The following SALL3 variants were observed in gnomAD, a reference collection of about 807,000 sequenced individuals.
The protein encoded by SALL3 is spalt like transcription factor 3.
A neutral mutation model predicts 66.2 loss-of-function variants in SALL3; 25 were observed. That is an observed-to-expected ratio of 0.38 (90% CI 0.28 to 0.53). SALL3 has a LOEUF of 0.53. Among genes scored for constraint, SALL3 ranks in the 20% least tolerant of loss-of-function variants. SALL3 has a pLI of 0.85. For synonymous variants in SALL3, 1,152 were observed against 899.1 expected, an observed-to-expected ratio of 1.28 and a Z score of -5.03; for missense variants, 2,194 against 1,916.5, an observed-to-expected ratio of 1.14 and a Z score of -2.70.
At chr18:78,984,642 C>A (rs1914179613) in intron 1 of SALL3, among the ~76,000 whole-genome samples, 1 of 151,698 alleles carries the variant, frequency 6.6e-6, no homozygotes, top group Non-Finnish European at 1.5e-5. Flanking sequence ...AAAAACCTGT[C>A]TAGGGTTATT....
intron 1 of SALL3, among the ~76,000 whole-genome samples, chr18:78,990,874 G>A (rs1914406330): frequency 6.6e-6 from 1 of 152,130 alleles, no homozygotes; most frequent in Non-Finnish European, 1.5e-5. Flanking sequence ...CCCAAAAAAT[G>A]GAAGGTAGCA....
Position 78,994,015 on chromosome 18 carries a change from T to C in SALL3, c.2024T>C (p.Met675Thr). ...QQLVENIDKK[M>T]TDPNQCVICH... ...CTGGTGGAGAACATCGACAAGAAGA[T>C]GACGGACCCGAACCAGTGCGTCATC... The change falls in exon 2 of 3, where the codon ATG becomes ACG. Residue 675 changes from methionine (M) to threonine (T), a missense_variant. Coordinates refer to ENST00000537592, the MANE Select transcript of SALL3 (RefSeq NM_171999.4). The C allele has an allele frequency of 1.2e-6, 2 of 1,612,608 alleles. No homozygotes were observed. The highest frequency in any genetic ancestry group is 1.7e-6 in the Non-Finnish European group (2 of 1,179,846).
rs147317332 is a variant in SALL3 at position 78,994,961 on chromosome 18, C to T, written c.2970C>T (p.Ser990=). 3 of 1,613,750 alleles carry T rather than the reference C, an allele frequency of 1.9e-6. No individual in the cohort carries two copies. The East Asian group carries it at 6.7e-5, about 36-fold the overall frequency. ...GTGGCAAGCCTTTTGCTTGCAAGAG[C>T]GCGTTGGAAATCCACTACCGCAGCC... ...GVCGKPFACK[S]ALEIHYRSHT... is the part of the protein sequence containing the mutation. The change falls in exon 2 of 3, where the codon AGC becomes AGT. Residue 990 remains serine (S), a synonymous_variant. Transcript: ENST00000537592.
Position 78,993,839 on chromosome 18 carries a change from G to C in SALL3, c.1848G>C (p.Gln616His). ...CCGGGGACGCTCCCGTGGGCGCGCA[G>C]GCTAGCGCTGCACCCACATCGGTGG... ...ARAGDAPVGA[Q>H]ASAAPTSVDG... Residue 616 changes from glutamine (Q) to histidine (H), a missense_variant, in exon 2 of 3, where the codon CAG becomes CAC. Physicochemically the swap from Gln to His is conservative, Grantham distance 24. Coordinates refer to ENST00000537592, the MANE Select transcript of SALL3 (RefSeq NM_171999.4). 6.4e-7 allele frequency: 1 copy of C among 1,559,338 alleles called. No individual in the cohort carries two copies. Among genetic ancestry groups the C allele is most frequent in the Non-Finnish European group, 8.7e-7 (1 of 1,154,670 alleles).
In SALL3 at chr18:78,996,960, C is replaced by G. The variant is rs952586199; in HGVS notation, c.3541C>G (p.Pro1181Ala). 6.2e-7 allele frequency: 1 copy of G among 1,613,764 alleles called. No homozygotes were observed. The highest frequency in any genetic ancestry group is 1.3e-5 in the African/African-American group (1 of 74,950). ...RRGRRLSVEN[P>A]MALLGGDALK... ...CGGCCGCCGCCTGTCTGTGGAGAAC[C>G]CCATGGCTCTCCTAGGGGGTGATGC... The change falls in exon 3 of 3, where the codon CCC becomes GCC. Residue 1181 changes from proline to alanine, a missense_variant. Transcript: ENST00000537592.
chr18:78,992,804 T>TGCC lies in SALL3; in HGVS notation c.820_822dup (p.Ala274dup), dbSNP rs1354531725. On this transcript the variant is annotated inframe_insertion, in exon 2 of 3. Coordinates refer to ENST00000537592, the MANE Select transcript of SALL3 (RefSeq NM_171999.4). ...CGCTCCCGCTGTCGGCCGGGGCCCC[T>TGCC]GCCGCCGCCATCGCGGGCTCGGGCC... 13 of 980,704 alleles carry TGCC rather than the reference T, an allele frequency of 1.3e-5. No individual in the cohort carries two copies. In the South Asian group the frequency reaches 4.2e-4, roughly 32 times the overall value. 60.8% of individuals were successfully genotyped at this position (980,704 alleles called of 1,614,324 possible). A position where few individuals can be genotyped will look rare whatever the true frequency, so the allele number is the denominator to read the frequency against.
chr18:78,981,028 C>G (rs1474494126), intron 1 of SALL3, among the ~76,000 whole-genome samples: 1 of 152,232 alleles, frequency 6.6e-6, no homozygotes. Flanking sequence ...GTTGCAGCGT[C>G]TGCGCGGGCC....
intron 1 of SALL3, among the ~76,000 whole-genome samples, chr18:78,985,477 G>T (rs551865175): frequency 6.6e-6 from 1 of 152,354 alleles, no homozygotes; most frequent in South Asian, 2.1e-4. Flanking sequence ...TGGTAATTCT[G>T]TTGTAGGATC....
chr18:78,995,285 G>T lies in SALL3; in HGVS notation c.3294G>T (p.Leu1098=), dbSNP rs1447608763. Residue 1098 remains leucine, a synonymous_variant, in exon 2 of 3, where the codon CTG becomes CTT. Transcript: ENST00000537592. ...CTCAGACAGTGATGGGCCCGGGCCT[G>T]GCGCCCATGCTGGCCCCCCCACCGC... ...AGPQTVMGPG[L]APMLAPPPRR... 1.9e-6 allele frequency: 3 copies of T among 1,583,458 alleles called. No individual in the cohort carries two copies. The highest frequency in any genetic ancestry group is 2.6e-6 in the Non-Finnish European group (3 of 1,170,188).
chr18:78,991,850 T>G, intron 1 of SALL3: 1 of 420,838 alleles, frequency 2.4e-6, no homozygotes, highest in Non-Finnish European at 4.2e-6. Flanking sequence ...GGAATTTCAT[T>G]AAGAAGCAGG....
Position 78,993,092 on chromosome 18 carries a change from C to A in SALL3, c.1101C>A (p.Ser367=). ...GLPSPLLPQT[S]ASGVIFPNPL... The stretch of plus-strand genomic sequence containing the variant: ...CAAGTCCGCTTCTACCTCAGACTTC[C>A]GCCAGCGGCGTCATCTTCCCCAACC... Residue 367 remains serine (S), a synonymous_variant, in exon 2 of 3, where the codon TCC becomes TCA. Coordinates refer to ENST00000537592, the MANE Select transcript of SALL3 (RefSeq NM_171999.4). 6.3e-7 allele frequency: 1 copy of A among 1,599,910 alleles called. No homozygotes were observed.
chr18:78,992,111 G>T lies in SALL3; in HGVS notation c.120G>T (p.Gly40=). The T allele has an allele frequency of 1.3e-6, 2 of 1,587,454 alleles. No individual in the cohort carries two copies. The highest frequency in any genetic ancestry group is 8.6e-7 in the Non-Finnish European group (1 of 1,167,496). ...PGEGAEDADS[G]PESRSGGEET... ...AAGGTGCGGAGGACGCAGACAGCGG[G>T]CCCGAGAGCCGCAGCGGGGGCGAGG... The change falls in exon 2 of 3, where the codon GGG becomes GGT. Residue 40 remains glycine, a synonymous_variant. Transcript: ENST00000537592.
In SALL3 at chr18:78,992,470, G is replaced by A; in HGVS notation, c.479G>A (p.Gly160Asp). 1.4e-6 allele frequency: 2 copies of A among 1,448,354 alleles called. No individual in the cohort carries two copies. Among genetic ancestry groups the A allele is most frequent in the Non-Finnish European group, 1.8e-6 (2 of 1,105,048 alleles). The allele number at this position is 1,448,354 out of a possible 1,614,324, so 89.7% of individuals were successfully genotyped here. A position where few individuals can be genotyped will look rare whatever the true frequency, so the allele number is the denominator to read the frequency against. The change falls in exon 2 of 3, where the codon GGC becomes GAC. Residue 160 changes from glycine (G) to aspartate (D), a missense_variant. Gly to Asp is a moderately conservative substitution (Grantham distance 94, BLOSUM62 -1). Coordinates refer to ENST00000537592, the MANE Select transcript of SALL3 (RefSeq NM_171999.4). ...AAPAPPTPAY[G>D]APSTNVTLEA... ...CCTGCACCCCCAACGCCCGCCTACG[G>A]CGCGCCCAGCACCAACGTGACCCTG...
rs775492303 is a variant in SALL3 at position 78,980,349 on chromosome 18, C to G, written c.75C>G (p.Pro25=). 7.6e-6 allele frequency: 11 copies of G among 1,438,464 alleles called. No individual in the cohort carries two copies. The highest frequency in any genetic ancestry group is 4.6e-5 in the Admixed American group (2 of 43,182). 89.1% of individuals were successfully genotyped at this position (1,438,464 alleles called of 1,614,324 possible). A position where few individuals can be genotyped will look rare whatever the true frequency, so the allele number is the denominator to read the frequency against. ...AGCTGCTGCCGCCTGACGGGGCTCC[C>G]GAGCACGGTGAGGGCCGGGGCTGCG... ...DEELLPPDGA[P]EHAAPGEGAE... is the part of the protein sequence containing the mutation. Residue 25 remains proline, a synonymous_variant, in exon 1 of 3, where the codon CCC becomes CCG. Transcript: ENST00000537592.
intron 1 of SALL3, among the ~76,000 whole-genome samples, chr18:78,987,280 G>T (rs959067763): frequency 7.9e-5 from 12 of 152,196 alleles, no homozygotes; most frequent in Admixed American, 6.5e-4. Context: ...GCTGAGCGAA[G>T]ACCAAAAACA....
In SALL3 at chr18:78,993,976, C is replaced by T. The variant is rs369656383; in HGVS notation, c.1985C>T (p.Ser662Leu). ...GACTCGATGCAAACGTCGGAAACCT[C>T]GAAGCTGCAGCAGCTGGTGGAGAAC... ...LLDSMQTSET[S>L]KLQQLVENID... Residue 662 changes from serine to leucine, a missense_variant, in exon 2 of 3, where the codon TCG (serine) becomes TTG (leucine). Coordinates refer to ENST00000537592, the MANE Select transcript of SALL3 (RefSeq NM_171999.4). 1.2e-5 allele frequency: 19 copies of T among 1,611,816 alleles called. No homozygotes were observed. The highest frequency in any genetic ancestry group is 1.1e-5 in the Non-Finnish European group (13 of 1,179,514).
intron 1 of SALL3, among the ~76,000 whole-genome samples, chr18:78,982,403 A>G (rs756338710): frequency 6.6e-6 from 1 of 152,254 alleles, no homozygotes; most frequent in Non-Finnish European, 1.5e-5. Flanking sequence ...ATGTTTTGCA[A>G]GAGGCCCAAA....
Position 78,980,319 on chromosome 18 carries a change from C to T in SALL3, c.45C>T (p.Asp15=), listed in dbSNP as rs771517621. The change falls in exon 1 of 3, where the codon GAC becomes GAT. Residue 15 remains aspartate, a synonymous_variant. Coordinates refer to ENST00000537592, the MANE Select transcript of SALL3 (RefSeq NM_171999.4). ...CCAAGCCCCAGCACCTCAAGTCGGA[C>T]GAGGAGCTGCTGCCGCCTGACGGGG... ...KQAKPQHLKS[D]EELLPPDGAP... 6.9e-7 allele frequency: 1 copy of T among 1,439,162 alleles called. No individual in the cohort carries two copies. The highest frequency in any genetic ancestry group is 1.3e-5 in the South Asian group (1 of 75,680). 89.1% of individuals were successfully genotyped at this position (1,439,162 alleles called of 1,614,324 possible). A position where few individuals can be genotyped will look rare whatever the true frequency, so the allele number is the denominator to read the frequency against.
chr18:78,993,083 T>C lies in SALL3; in HGVS notation c.1092T>C (p.Pro364=), dbSNP rs1213888355. 1.3e-6 allele frequency: 2 copies of C among 1,598,624 alleles called. No individual in the cohort carries two copies. The highest frequency in any genetic ancestry group is 1.7e-6 in the Non-Finnish European group (2 of 1,176,754). Residue 364 remains proline (P), a synonymous_variant, in exon 2 of 3, where the codon CCT becomes CCC. Coordinates refer to ENST00000537592, the MANE Select transcript of SALL3 (RefSeq NM_171999.4). ...AAPGLPSPLL[P]QTSASGVIFP... is the part of the protein sequence containing the mutation. ...CCGGCCTGCCAAGTCCGCTTCTACC[T>C]CAGACTTCCGCCAGCGGCGTCATCT...
Sources: allele counts gnomAD v4.1 joint callset (sites outside exome capture counted in the v4.1 genomes callset), GRCh38; gene constraint gnomAD v4.1.1; transcripts MANE v1.5; gene names NCBI Gene and HGNC (gene_info 2026-07-23, HGNC 2026-07-21).